THADA: variants seen among roughly 807,000 people sequenced by gnomAD.
The protein encoded by THADA is tRNA (32-2'-O)-methyltransferase regulator THADA.
A neutral mutation model predicts 219.8 loss-of-function variants in THADA; 213 were observed. The observed-to-expected ratio is 0.97, with a 90% CI of 0.87 to 1.09. The LOEUF (loss-of-function observed/expected upper bound fraction) is 1.09. Ranked by LOEUF, THADA falls within the 50% of genes least tolerant of loss-of-function variation. THADA has a pLI of 0.00. For synonymous variants in THADA, 1,018 were observed against 828.9 expected (o/e 1.23, Z -3.92); for missense variants, 2,956 against 2,311.3 (o/e 1.28, Z -5.72).
At chr2:43,495,542 T>C (rs1688156237) in intron 25 of THADA, among the ~76,000 whole-genome samples, 1 of 152,108 alleles carries the variant, frequency 6.6e-6, no homozygotes, top group African/African-American at 2.4e-5. Context: ...ACTTTTACTG[T>C]TCTTATTATG....
At chr2:43,261,273 G>C (rs1333398671) in intron 36 of THADA, among the ~76,000 whole-genome samples, 1 of 143,602 alleles carries the variant, frequency 7.0e-6, no homozygotes, top group African/African-American at 2.7e-5. Context: ...ACCCAGGCTG[G>C]AGTGCAGTGG....
intron 21 of THADA, among the ~76,000 whole-genome samples, chr2:43,536,518 T>C (rs1161916193): frequency 6.6e-6 from 1 of 152,222 alleles, no homozygotes; most frequent in Non-Finnish European, 1.5e-5. Flanking sequence ...TAATCACTTG[T>C]CTTTTTAAAA....
At chr2:43,301,504 A>G (rs895486806) in intron 31 of THADA, among the ~76,000 whole-genome samples, 2 of 152,224 alleles carry the variant, frequency 1.3e-5, no homozygotes, top group African/African-American at 2.4e-5. Flanking sequence ...TGGGGACCAC[A>G]GGAACCATAT....
intron 26 of THADA, among the ~76,000 whole-genome samples, chr2:43,475,711 A>G (rs1425621495): frequency 6.6e-6 from 1 of 152,230 alleles, no homozygotes; most frequent in African/African-American, 2.4e-5. Flanking sequence ...GTGTAAAGAC[A>G]CACACTTTGT....
chr2:43,551,547 A>G (rs115647699), intron 19 of THADA, among the ~76,000 whole-genome samples: 1,944 of 149,724 alleles, frequency 0.013, 31 homozygotes, highest in African/African-American at 0.042. Context: ...AACTCAAGTT[A>G]CCCTGGGGTA....
chr2:43,264,682 G>A (rs1671322211), intron 36 of THADA, among the ~76,000 whole-genome samples: 2 of 152,150 alleles, frequency 1.3e-5, no homozygotes, highest in African/African-American at 4.8e-5. Context: ...GGAAATTTCA[G>A]ATTCCTAGAT....
At chr2:43,552,035 A>C (rs1455758967) in intron 18 of THADA, 110 bp from the exon 19 acceptor site, 1 of 1,546,710 alleles carries the variant, frequency 6.5e-7, no homozygotes. Flanking sequence ...CAATACATAA[A>C]ACATGTGAGA....
chr2:43,435,399 A>T (rs1185831617), intron 26 of THADA, among the ~76,000 whole-genome samples: 1 of 150,532 alleles, frequency 6.6e-6, no homozygotes, highest in Non-Finnish European at 1.5e-5. Flanking sequence ...GTGGAGGTTG[A>T]AGTGAGCCAA....
At chr2:43,260,512 G>A (rs937712838) in intron 36 of THADA, among the ~76,000 whole-genome samples, 1 of 152,142 alleles carries the variant, frequency 6.6e-6, no homozygotes, top group East Asian at 1.9e-4. Flanking sequence ...AGGCTGAGGT[G>A]GGAGGATCAC....
intron 26 of THADA, among the ~76,000 whole-genome samples, chr2:43,443,956 A>G (rs994713283): frequency 3.4e-5 from 5 of 145,388 alleles, no homozygotes; most frequent in Non-Finnish European, 7.5e-5. Flanking sequence ...GACTCCACAG[A>G]GCCCACAGCC....
Position 43,491,658 on chromosome 2 carries a change from G to C in THADA, c.3745-6333C>G, listed in dbSNP as rs575497288. On this transcript the variant is annotated intron_variant, in intron 25 of 37. Coordinates refer to ENST00000405975, the MANE Select transcript of THADA (RefSeq NM_022065.5). Reference sequence around the variant, plus strand: ...AGCATGCTGTACAGTTTGTAGCCTAGGAATAATAAGCTATATCATACAACC... The same window carrying C: ...AGCATGCTGTACAGTTTGTAGCCTACGAATAATAAGCTATATCATACAACC... Among the ~76,000 whole-genome samples, 11 of 152,244 alleles carry C rather than the reference G, an allele frequency of 7.2e-5. 1 individual carries two copies. The South Asian group carries it at 2.3e-3, about 32-fold the overall frequency.
intron 26 of THADA, among the ~76,000 whole-genome samples, chr2:43,465,020 G>T (rs1214185316): frequency 1.3e-5 from 2 of 152,084 alleles, no homozygotes; most frequent in Non-Finnish European, 2.9e-5. Context: ...TGGATGAAAA[G>T]AATCTTTTCC....
intron 28 of THADA, among the ~76,000 whole-genome samples, chr2:43,415,120 A>G (rs1259984250): frequency 1.3e-5 from 2 of 152,224 alleles, no homozygotes; most frequent in East Asian, 3.8e-4. Flanking sequence ...AACCAAAGAA[A>G]CGTAAACTAA....
chr2:43,344,536 G>C (rs942911462), intron 29 of THADA, among the ~76,000 whole-genome samples: 1 of 152,192 alleles, frequency 6.6e-6, no homozygotes, highest in Admixed American at 6.5e-5. Flanking sequence ...CCTATACACT[G>C]ATTTCAGCAA....
chr2:43,454,463 G>A (rs922002998), intron 26 of THADA, among the ~76,000 whole-genome samples: 8 of 151,996 alleles, frequency 5.3e-5, no homozygotes, highest in Admixed American at 6.6e-5. Context: ...TCAGCCAGGT[G>A]TGTTGGTGTG....
chr2:43,503,272 A>G (rs1464352187), intron 24 of THADA, among the ~76,000 whole-genome samples: 1 of 152,220 alleles, frequency 6.6e-6, no homozygotes, highest in Non-Finnish European at 1.5e-5. Flanking sequence ...TTGTTTCAGC[A>G]TTGTTTGTAA....
chr2:43,409,525 AAT>A (rs1676019821), intron 28 of THADA, among the ~76,000 whole-genome samples: 1 of 152,126 alleles, frequency 6.6e-6, no homozygotes, highest in Middle Eastern at 3.2e-3. Context: ...TCAGTTTTTA[AAT>A]ACCCCTGAGA....
At chr2:43,394,813 G>C (rs1453876176) in intron 29 of THADA, among the ~76,000 whole-genome samples, 1 of 152,190 alleles carries the variant, frequency 6.6e-6, no homozygotes, top group Non-Finnish European at 1.5e-5. Flanking sequence ...GATAAAGGTA[G>C]GAATCTGTCT....
intron 12 of THADA, 142 bp downstream of exon 12, chr2:43,572,672 A>T: frequency 1.6e-6 from 1 of 628,446 alleles, no homozygotes; most frequent in African/African-American, 1.9e-5. Flanking sequence ...CTGAAAGTTT[A>T]GTTGGGAGAC....
Sources: allele counts gnomAD v4.1 joint callset (sites outside exome capture counted in the v4.1 genomes callset), GRCh38; gene constraint gnomAD v4.1.1; transcripts MANE v1.5; gene names NCBI Gene and HGNC (gene_info 2026-07-23, HGNC 2026-07-21).